PCDH11X: variants seen among roughly 807,000 people sequenced by gnomAD.
PCDH11X encodes the protein protocadherin 11 X-linked, also known as protocadherin-11 X-linked.
A neutral mutation model predicts 53.3 loss-of-function variants in PCDH11X; 18 were observed. The observed-to-expected ratio is 0.34, with a 90% confidence interval of 0.23 to 0.50. The LOEUF is 0.50. Among genes scored for constraint, PCDH11X ranks in the 20% least tolerant of loss-of-function variants. The pLI is 0.98. For synonymous variants in PCDH11X, 279 were observed against 393.3 expected, an observed-to-expected ratio of 0.71 and a Z score of 3.44; for missense variants, 570 against 1,032.4, an observed-to-expected ratio of 0.55 and a Z score of 6.14.
intron 1 of PCDH11X, among the ~76,000 whole-genome samples, chrX:91,793,408 A>C (rs1268052116): frequency 9.0e-6 from 1 of 110,691 alleles, no homozygotes; most frequent in Non-Finnish European, 1.9e-5. Flanking sequence ...TGTACTACAA[A>C]GTTTCAGTGA....
chrX:92,516,142 C>T (rs1353557268), intron 10 of PCDH11X, among the ~76,000 whole-genome samples: 1 of 111,148 alleles, frequency 9.0e-6, no homozygotes, highest in Non-Finnish European at 1.9e-5. Flanking sequence ...GAACATAATT[C>T]TGCCTATTGA....
At position 91,895,300 on chromosome X, in the gene PCDH11X, T is replaced by G. The variant is rs142829827; in HGVS notation, c.3033+16027T>G. The stretch of plus-strand genomic sequence containing the variant: ...CTATTCTGAAAATACATTTTTCACA[T>G]TGAGAGAAGTATAGTTTGTGTAGCT... On this transcript the variant is annotated intron_variant, in intron 6 of 10. Transcript: ENST00000682573. 5.6e-3 allele frequency among the ~76,000 whole-genome samples: 620 copies of G among 111,279 alleles called. 4 individuals carry two copies. Among genetic ancestry groups the G allele is most frequent in the African/African-American group, 0.018 (560 of 30,623 alleles).
In PCDH11X at chrX:91,878,554, G is replaced by A. The variant is rs369246059; in HGVS notation, c.2314G>A (p.Val772Met). ...CAGTGTTGTAATTGTCAATCTGTTC[G>A]TGAATGAGTCGGTGACCAATGCTAC... ...LFSVVIVNLF[V>M]NESVTNATLI... The change falls in exon 6 of 11, where the codon GTG (valine) becomes ATG (methionine). Residue 772 changes from valine to methionine, a missense_variant. Val to Met is a conservative substitution (Grantham distance 21). This residue lies in a region of PCDH11X where 226 missense variants were observed against 457.5 expected (regional missense o/e 0.49). Transcript: ENST00000682573. The A allele has an allele frequency of 4.0e-5, 48 of 1,209,145 alleles. No individual in the cohort carries two copies. The highest frequency in any genetic ancestry group is 4.8e-5 in the Non-Finnish European group (43 of 895,075).
At chrX:91,859,956 G>T (rs1420951984) in intron 5 of PCDH11X, among the ~76,000 whole-genome samples, 3 of 110,608 alleles carry the variant, frequency 2.7e-5, no homozygotes, top group Admixed American at 9.6e-5. Context: ...TCTCTTTTTT[G>T]ATTCTATATG....
At chrX:92,425,996 C>A in intron 9 of PCDH11X, among the ~76,000 whole-genome samples, 1 of 73,589 alleles carries the variant, frequency 1.4e-5, no homozygotes, top group Admixed American at 1.8e-4. Context: ...TTATTTGTGA[C>A]CTTGATAAGA....
At chrX:92,084,344 T>C (rs1473062504) in intron 6 of PCDH11X, among the ~76,000 whole-genome samples, 2 of 108,809 alleles carry the variant, frequency 1.8e-5, no homozygotes, top group Admixed American at 2.0e-4. Context: ...GGTTGGGAGT[T>C]CAAGACCAGC....
intron 6 of PCDH11X, among the ~76,000 whole-genome samples, chrX:92,096,932 G>A (rs1357532458): frequency 9.0e-6 from 1 of 111,444 alleles, no homozygotes; most frequent in Non-Finnish European, 1.9e-5. Flanking sequence ...ATGAATATAT[G>A]GGAAAAGTTA....
At chrX:91,913,806 T>C (rs1285012097) in intron 6 of PCDH11X, among the ~76,000 whole-genome samples, 2 of 110,203 alleles carry the variant, frequency 1.8e-5, no homozygotes, top group African/African-American at 3.3e-5. Flanking sequence ...CTCAGGCCAT[T>C]ACAGCAACTC....
chrX:92,098,092 A>G (rs1302214554), intron 6 of PCDH11X, among the ~76,000 whole-genome samples: 3 of 111,073 alleles, frequency 2.7e-5, no homozygotes, highest in African/African-American at 9.8e-5. Context: ...AAATAATGAA[A>G]TTCATTCCTA....
chrX:91,889,995 T>C (rs1469891169), intron 6 of PCDH11X, among the ~76,000 whole-genome samples: 2 of 107,575 alleles, frequency 1.9e-5, no homozygotes, highest in Admixed American at 2.0e-4. Flanking sequence ...TATTTCAAAA[T>C]GCACACAAAT....
chrX:91,980,995 T>C (rs868567278), intron 6 of PCDH11X, among the ~76,000 whole-genome samples: 7 of 97,457 alleles, frequency 7.2e-5, no homozygotes, highest in South Asian at 4.6e-4. Context: ...TATATATATA[T>C]ACACTGAATA....
At chrX:92,569,783 C>T (rs1188747454) in intron 10 of PCDH11X, 6 of 200,909 alleles carry the variant, frequency 3.0e-5, no homozygotes, top group Admixed American at 6.0e-5. Flanking sequence ...TTTGGGAGGC[C>T]GAGGTGGGCA....
intron 6 of PCDH11X, among the ~76,000 whole-genome samples, chrX:92,164,286 G>A (rs1243056190): frequency 8.9e-6 from 1 of 112,034 alleles, no homozygotes; most frequent in Non-Finnish European, 1.9e-5. Flanking sequence ...TGAGTCAGAT[G>A]TTGGACAAGT....
chrX:91,987,976 G>GT (rs1379865875), intron 6 of PCDH11X, among the ~76,000 whole-genome samples: 1 of 110,046 alleles, frequency 9.1e-6, no homozygotes, highest in Non-Finnish European at 1.9e-5. Flanking sequence ...TTTTGTTGTT[G>GT]TTTTTTTCAT....
At chrX:92,219,343 G>A (rs2066808359) in intron 7 of PCDH11X, among the ~76,000 whole-genome samples, 1 of 111,079 alleles carries the variant, frequency 9.0e-6, no homozygotes, top group African/African-American at 3.3e-5. Context: ...AGCAACTTCA[G>A]CAAAGTCTCA....
At chrX:92,565,644 T>A (rs1315052960) in intron 10 of PCDH11X, among the ~76,000 whole-genome samples, 1 of 102,143 alleles carries the variant, frequency 9.8e-6, no homozygotes, top group Non-Finnish European at 2.0e-5. Flanking sequence ...CTGGAAAGGG[T>A]AGTGGGGTTT....
At chrX:92,481,700 T>TG (rs2073511049) in intron 10 of PCDH11X, among the ~76,000 whole-genome samples, 2 of 111,646 alleles carry the variant, frequency 1.8e-5, no homozygotes, top group African/African-American at 6.5e-5. Context: ...AAGTCAAGCC[T>TG]GGGGGGTGAG....
At chrX:92,452,218 C>T (rs1451032270) in intron 9 of PCDH11X, among the ~76,000 whole-genome samples, 2 of 101,027 alleles carry the variant, frequency 2.0e-5, no homozygotes, top group East Asian at 3.1e-4. Context: ...CCGAACCATA[C>T]GATTTTGATT....
intron 9 of PCDH11X, chrX:92,459,859 G>T (rs183542660): frequency 1.8e-6 from 2 of 1,110,528 alleles, no homozygotes; most frequent in Non-Finnish European, 2.4e-6. Flanking sequence ...GGGCCTGGCC[G>T]CGGGGATGGC....
Sources: allele counts gnomAD v4.1 joint callset (sites outside exome capture counted in the v4.1 genomes callset), GRCh38; gene constraint gnomAD v4.1.1; regional missense constraint gnomAD v4.1.1; transcripts MANE v1.5; gene names NCBI Gene and HGNC (gene_info 2026-07-23, HGNC 2026-07-21).